Variants in THSD7B observed in about 807,000 individuals in gnomAD.
THSD7B encodes thrombospondin type-1 domain-containing protein 7B.
THSD7B carries 138 observed loss-of-function variants against 213.6 expected under a neutral mutation model. That is an observed-to-expected ratio of 0.65 (90% CI 0.56 to 0.74). THSD7B has a LOEUF of 0.74. Ranked by LOEUF, THSD7B falls within the 30% of genes least tolerant of loss-of-function variation. The probability of loss-of-function intolerance (pLI) is 0.00; values close to 1 mark genes in which losing one functional copy is unlikely to be tolerated. For missense variants in THSD7B, 1,931 were observed against 1,991.5 expected (o/e 0.97, Z 0.58); for synonymous variants, 742 against 687.0 (o/e 1.08, Z -1.25).
At chr2:137,441,134 T>G (rs1022804237) in intron 14 of THSD7B, among the ~76,000 whole-genome samples, 1 of 152,164 alleles carries the variant, frequency 6.6e-6, no homozygotes, top group East Asian at 1.9e-4. Context: ...TCTAACAACA[T>G]GCATATCATT....
chr2:137,617,280 C>A (rs1277969491), intron 18 of THSD7B, among the ~76,000 whole-genome samples: 1 of 152,166 alleles, frequency 6.6e-6, no homozygotes, highest in African/African-American at 2.4e-5. Context: ...GTTTGCTATT[C>A]TATTCCTATT....
intron 14 of THSD7B, among the ~76,000 whole-genome samples, chr2:137,446,223 TAAC>T (rs1354587441): frequency 1.3e-5 from 2 of 152,016 alleles, no homozygotes; most frequent in Non-Finnish European, 2.9e-5. Flanking sequence ...AACTAGATCT[TAAC>T]AGGAGAAAAA....
chr2:137,306,563 T>A (rs892608215), intron 12 of THSD7B, among the ~76,000 whole-genome samples: 3 of 152,124 alleles, frequency 2.0e-5, no homozygotes, highest in African/African-American at 7.2e-5. Context: ...GATATTTTGT[T>A]CTTATTTTTT....
chr2:137,491,042 G>T (rs1430346827), intron 15 of THSD7B, among the ~76,000 whole-genome samples: 1 of 152,166 alleles, frequency 6.6e-6, no homozygotes, highest in Non-Finnish European at 1.5e-5. Flanking sequence ...ACTAATGAAG[G>T]TTTATAGAGT....
chr2:136,879,074 A>G (rs947413390), intron 1 of THSD7B, among the ~76,000 whole-genome samples: 3 of 152,158 alleles, frequency 2.0e-5, no homozygotes, highest in African/African-American at 7.2e-5. Flanking sequence ...TCTTTAATCC[A>G]TCTTGAATTG....
rs1377625690 is a variant in THSD7B at position 136,868,600 on chromosome 2, C to T, written c.-35-13544C>T. ...ACATTAAATATTTAGAATCTTACAT[C>T]GCAGAAAATGTTAATGAGTAATTAA... On this transcript the variant is annotated intron_variant, in intron 1 of 27. Transcript: ENST00000409968. Among the ~76,000 whole-genome samples, 7 of 152,090 alleles carry T rather than the reference C, an allele frequency of 4.6e-5. No homozygotes were observed. In the East Asian group the frequency reaches 1.2e-3, roughly 25 times the overall value.
chr2:137,210,952 A>G (rs1306015830), intron 7 of THSD7B, among the ~76,000 whole-genome samples: 1 of 151,986 alleles, frequency 6.6e-6, no homozygotes, highest in East Asian at 1.9e-4. Context: ...TGGGGGAAAA[A>G]GGAAAATGTA....
At chr2:137,406,265 CA>C (rs1416020946) in intron 13 of THSD7B, among the ~76,000 whole-genome samples, 2 of 152,066 alleles carry the variant, frequency 1.3e-5, no homozygotes, top group Non-Finnish European at 2.9e-5. Flanking sequence ...TAGTGTAAGG[CA>C]AAAATCAAAT....
chr2:137,098,374 AACAG>A (rs564341703), intron 4 of THSD7B, among the ~76,000 whole-genome samples: 28 of 152,328 alleles, frequency 1.8e-4, no homozygotes, highest in African/African-American at 5.1e-4. Flanking sequence ...CAGAGAACAC[AACAG>A]ACAAACTTCC....
At chr2:137,395,634 T>C (rs1182432720) in intron 12 of THSD7B, among the ~76,000 whole-genome samples, 4 of 152,210 alleles carry the variant, frequency 2.6e-5, no homozygotes, top group Non-Finnish European at 4.4e-5. Flanking sequence ...CTTTTTTTGT[T>C]GTGTCTCTGT....
At chr2:137,331,891 G>A (rs542827326) in intron 12 of THSD7B, among the ~76,000 whole-genome samples, 13 of 152,216 alleles carry the variant, frequency 8.5e-5, no homozygotes, top group Admixed American at 1.3e-4. Flanking sequence ...GGGGCCGGCC[G>A]GCTGCTCCAA....
intron 20 of THSD7B, among the ~76,000 whole-genome samples, chr2:137,638,702 A>G (rs1682880951): frequency 6.6e-6 from 1 of 152,200 alleles, no homozygotes; most frequent in Non-Finnish European, 1.5e-5. Context: ...TGATAGTGAT[A>G]TGAACAATAA....
chr2:136,932,110 C>T (rs942472996), intron 2 of THSD7B, among the ~76,000 whole-genome samples: 16 of 151,864 alleles, frequency 1.1e-4, no homozygotes, highest in African/African-American at 3.6e-4. Flanking sequence ...TATAATTTTC[C>T]AAAGTCTTGT....
intron 12 of THSD7B, among the ~76,000 whole-genome samples, chr2:137,369,875 AT>A (rs1372894434): frequency 2.0e-5 from 3 of 152,128 alleles, no homozygotes; most frequent in African/African-American, 7.2e-5. Flanking sequence ...TCTTTCTTGT[AT>A]TTTTACTTTG....
At chr2:137,015,216 G>T (rs1346177495) in intron 2 of THSD7B, among the ~76,000 whole-genome samples, 1 of 152,150 alleles carries the variant, frequency 6.6e-6, no homozygotes, top group Non-Finnish European at 1.5e-5. Context: ...ATGATAACTA[G>T]AGGACACGTG....
chr2:136,933,137 T>TTCCTTCCC (rs1160164583), intron 2 of THSD7B, among the ~76,000 whole-genome samples: 1 of 57,764 alleles, frequency 1.7e-5, no homozygotes, highest in Non-Finnish European at 7.2e-5. Flanking sequence ...CCTTCCTTCC[T>TTCCTTCCC]TCCTTCCTTC....
At chr2:137,181,470 G>A (rs888784689) in intron 7 of THSD7B, among the ~76,000 whole-genome samples, 1 of 152,130 alleles carries the variant, frequency 6.6e-6, no homozygotes, top group African/African-American at 2.4e-5. Context: ...AAGGCAAATA[G>A]GTAGAAATAA....
At chr2:137,297,683 C>T (rs1683499837) in intron 12 of THSD7B, among the ~76,000 whole-genome samples, 1 of 152,038 alleles carries the variant, frequency 6.6e-6, no homozygotes, top group Non-Finnish European at 1.5e-5. Flanking sequence ...GTAATTGAAT[C>T]ATGGGGGACA....
intron 12 of THSD7B, among the ~76,000 whole-genome samples, chr2:137,298,579 C>A (rs1279071026): frequency 2.6e-5 from 4 of 152,104 alleles, no homozygotes; most frequent in African/African-American, 9.7e-5. Context: ...GGGCCAGAGG[C>A]CCAGGAGAAA....
Sources: gnomAD v4.1 joint callset for allele counts (sites outside exome capture counted in the v4.1 genomes callset) on GRCh38, gnomAD v4.1.1 for gene constraint, MANE v1.5 for transcripts, NCBI Gene and HGNC (gene_info 2026-07-23, HGNC 2026-07-21) for gene names.